COL3A1: variants seen among roughly 807,000 people sequenced by gnomAD.
The protein encoded by COL3A1 is collagen alpha-1(III) chain.
Under a neutral mutation model 200.9 loss-of-function variants are expected in COL3A1, and 46 were observed. The ratio of observed to expected loss-of-function variants is 0.23; its 90% confidence interval spans 0.18 to 0.29. The LOEUF (loss-of-function observed/expected upper bound fraction) is 0.29, where lower values mean the gene tolerates loss of function less well. Among genes scored for constraint, COL3A1 ranks in the 10% least tolerant of loss-of-function variants. COL3A1 has a pLI of 1.00. For missense variants in COL3A1, 1,367 were observed against 1,917.6 expected, an observed-to-expected ratio of 0.71 and a Z score of 5.36; for synonymous variants, 650 against 628.0, an observed-to-expected ratio of 1.03 and a Z score of -0.52.
chr2:188,994,832 G>A lies in COL3A1; in HGVS notation c.1455+1G>A. ...GCTTCCAGGAGCTGCAGGAGAAAGGGTACGTTTTCCATGGGGCATCTAAAA... is the reference window on the plus strand; with the variant it reads ...GCTTCCAGGAGCTGCAGGAGAAAGGATACGTTTTCCATGGGGCATCTAAAA... On this transcript the variant is annotated splice_donor_variant, in intron 20 of 50. Transcript: ENST00000304636. LOFTEE classifies it high-confidence loss of function. This position sits in a 1 kb window ranked among gnomAD's most constrained non-coding sequence, Gnocchi z 4.5. 1 of 1,613,108 alleles carries A rather than the reference G, an allele frequency of 6.2e-7. No individual in the cohort carries two copies. Among genetic ancestry groups the A allele is most frequent in the East Asian group, 2.2e-5 (1 of 44,856 alleles).
rs928894236 is a variant in COL3A1 at position 189,011,846 on chromosome 2, A to G, written c.*72A>G. The stretch of plus-strand genomic sequence containing the variant: ...GTGTTCCTCTTGTTCTAATCTTGTC[A>G]ACCAGTGCAAGTGACCGACAAAATT... On this transcript the variant is annotated 3_prime_UTR_variant, in exon 51 of 51. Transcript: ENST00000304636. The G allele has an allele frequency of 1.1e-4, 165 of 1,556,322 alleles. No homozygotes were observed. The highest frequency in any genetic ancestry group is 1.4e-4 in the Non-Finnish European group (153 of 1,129,158).
At chr2:188,986,001 T>C (rs1239070407) in intron 4 of COL3A1, among the ~76,000 whole-genome samples, 1 of 152,018 alleles carries the variant, frequency 6.6e-6, no homozygotes, top group Non-Finnish European at 1.5e-5. Flanking sequence ...TGCTACTATA[T>C]CCTTGGAAAA....
In COL3A1 at chr2:189,009,170, C is replaced by T; in HGVS notation, c.3772C>T (p.Pro1258Ser). Residue 1258 changes from proline (P) to serine (S), a missense_variant, in exon 48 of 51, where the codon CCC (proline) becomes TCC (serine). By Grantham distance (74) the Pro-to-Ser change is moderately conservative. This residue lies in a region of COL3A1 where 846 missense variants were observed against 1,147.9 expected (regional missense o/e 0.74). Transcript: ENST00000304636. The part of the protein sequence containing the change: ...LISPDGSRKN[P>S]ARNCRDLKFC... ...TAGTCCTGATGGTTCTCGTAAAAAC[C>T]CCGCTAGAAACTGCAGAGACCTGAA... The T allele has an allele frequency of 1.2e-6, 2 of 1,614,174 alleles. No individual in the cohort carries two copies. Among genetic ancestry groups the T allele is most frequent in the Non-Finnish European group, 1.7e-6 (2 of 1,180,026 alleles).
chr2:188,985,250 A>G lies in COL3A1; in HGVS notation c.333+3A>G, dbSNP rs569995447. ...CTCAAGGCCCCAAGGGAGATCCAGT[A>G]AGTAAACATTCTTCAGTAGAATAAA... On this transcript the variant is annotated splice_donor_region_variant and intron_variant, in intron 3 of 50. Coordinates refer to ENST00000304636, the MANE Select transcript of COL3A1 (RefSeq NM_000090.4). 1 of 1,606,784 alleles carries G rather than the reference A, an allele frequency of 6.2e-7. No individual in the cohort carries two copies. Among genetic ancestry groups the G allele is most frequent in the Non-Finnish European group, 8.5e-7 (1 of 1,173,636 alleles).
rs768697971 is a variant in COL3A1 at position 188,995,675 on chromosome 2, T to C, written c.1510-17T>C. 2.0e-5 allele frequency: 31 copies of C among 1,539,022 alleles called. No individual in the cohort carries two copies. Among genetic ancestry groups the C allele is most frequent in the Non-Finnish European group, 2.6e-5 (30 of 1,136,550 alleles). ...GAAGGCTATTTTAATTTTTTTAAAA[T>C]TTCTTTCACTACTTAGGGTCCTGCT... On this transcript the variant is annotated splice_polypyrimidine_tract_variant and intron_variant, in intron 21 of 50. Transcript: ENST00000304636.
Position 188,985,723 on chromosome 2 carries a change from C to A in COL3A1, c.392C>A (p.Ser131Tyr), listed in dbSNP as rs267599119. The A allele has an allele frequency of 6.2e-7, 1 of 1,611,574 alleles. No individual in the cohort carries two copies. The highest frequency in any genetic ancestry group is 2.2e-5 in the East Asian group (1 of 44,774). Residue 131 changes from serine (S) to tyrosine (Y), a missense_variant, in exon 4 of 51, where the codon TCC becomes TAC. Physicochemically the swap from Ser to Tyr is moderately radical, Grantham distance 144. This residue lies in a region of COL3A1 where 462 missense variants were observed against 681.4 expected (regional missense o/e 0.68). Coordinates refer to ENST00000304636, the MANE Select transcript of COL3A1 (RefSeq NM_000090.4). Reference sequence around the variant, plus strand: ...CCTGGTATTCCAGGACAACCAGGGTCCCCTGGTTCTCCTGGCCCCCCTGGA... The same window carrying A: ...CCTGGTATTCCAGGACAACCAGGGTACCCTGGTTCTCCTGGCCCCCCTGGA... Reference protein sequence around the residue: ...GDPGIPGQPGSPGSPGPPGIC... With the variant: ...GDPGIPGQPGYPGSPGPPGIC...
At chr2:189,000,019 C>T (rs905632852) in intron 32 of COL3A1, 124 bp downstream of exon 32, 19 of 928,454 alleles carry the variant, frequency 2.0e-5, no homozygotes, top group Non-Finnish European at 2.9e-5. Context: ...CACCTAAAGA[C>T]CCGAATGACT....
intron 8 of COL3A1, 81 bp downstream of exon 8, chr2:188,989,530 C>A: frequency 2.9e-6 from 3 of 1,028,048 alleles, no homozygotes; most frequent in Admixed American, 2.4e-5. Context: ...ATGTCAGAAT[C>A]CCAGAAGAAA....
At chr2:188,989,537 GAA>G in intron 8 of COL3A1, 88 bp downstream of exon 8, 1 of 945,914 alleles carries the variant, frequency 1.1e-6, no homozygotes, top group South Asian at 1.6e-5. Flanking sequence ...AATCCCAGAA[GAA>G]AAAAAAATGT....
intron 36 of COL3A1, 128 bp downstream of exon 36, chr2:189,003,190 T>G (rs1688508547): frequency 1.2e-6 from 1 of 851,856 alleles, no homozygotes; most frequent in Non-Finnish European, 1.9e-6. Flanking sequence ...TGGAAAAACA[T>G]GGAGGTTTAT....
chr2:189,007,944 T>C lies in COL3A1; in HGVS notation c.3417+6T>C, dbSNP rs1201578152. ...CAGGACCTGCAGGCCCCAGAGTAAG[T>C]AGCACAGAAAGATATTACAGGTCCA... On this transcript the variant is annotated splice_donor_region_variant and intron_variant, in intron 46 of 50. Coordinates refer to ENST00000304636, the MANE Select transcript of COL3A1 (RefSeq NM_000090.4). 3 of 1,614,092 alleles carry C rather than the reference T, an allele frequency of 1.9e-6. No homozygotes were observed. The highest frequency in any genetic ancestry group is 2.2e-5 in the South Asian group (2 of 91,062).
chr2:188,987,219 G>A, intron 5 of COL3A1, 80 bp downstream of exon 5: 7 of 1,177,548 alleles, frequency 5.9e-6, no homozygotes, highest in Admixed American at 1.8e-5. Flanking sequence ...GCTCTTCTAG[G>A]AATTCAGTAT....
intron 6 of COL3A1, among the ~76,000 whole-genome samples, 171 bp downstream of exon 6, chr2:188,988,305 TCCA>T (rs1688105696): frequency 6.6e-6 from 1 of 152,144 alleles, no homozygotes; most frequent in Admixed American, 6.6e-5. Context: ...TTAATTCCTT[TCCA>T]CCAACAGTTA....
Position 188,974,400 on chromosome 2 carries a change from T to C in COL3A1, c.-90T>C, listed in dbSNP as rs1377694937. On this transcript the variant is annotated 5_prime_UTR_variant, in exon 1 of 51. Transcript: ENST00000304636. The stretch of plus-strand genomic sequence containing the variant: ...CTGAGTTTTATGACGGGCCCGGTGC[T>C]GAAGGGCAGGGAACAACTTGATGGT... 1 of 958,634 alleles carries C rather than the reference T, an allele frequency of 1.0e-6. No homozygotes were observed. The highest frequency in any genetic ancestry group is 1.6e-6 in the Non-Finnish European group (1 of 606,398). The allele number at this position is 958,634 out of a possible 1,614,324, so 59.4% of individuals were successfully genotyped here.
intron 44 of COL3A1, 28 bp downstream of exon 44, chr2:189,007,018 T>G (rs376459023): frequency 1.2e-6 from 2 of 1,603,068 alleles, no homozygotes; most frequent in Non-Finnish European, 1.7e-6. Flanking sequence ...TTGGTTTTAT[T>G]TTGTTTTGTT....
Position 188,985,323 on chromosome 2 carries a change from G to A in COL3A1, c.333+76G>A. 3.3e-6 allele frequency: 4 copies of A among 1,205,652 alleles called. No individual in the cohort carries two copies. The South Asian group carries it at 4.9e-5, about 15-fold the overall frequency. The allele number at this position is 1,205,652 out of a possible 1,614,324, so 74.7% of individuals were successfully genotyped here. On this transcript the variant is annotated intron_variant, in intron 3 of 50. Transcript: ENST00000304636. ...GTAAGAGTTTGCTTTTTCTAGATTT[G>A]AGCTTTCATCATACATTCTCTTCAT...
intron 29 of COL3A1, 44 bp from the exon 30 acceptor site, chr2:188,999,241 G>C (rs1304230976): frequency 2.0e-6 from 3 of 1,525,072 alleles, no homozygotes; most frequent in African/African-American, 2.8e-5. Context: ...TTTGTTTTTA[G>C]CTTTGGGTTG....
chr2:189,009,276 T>C (rs895745845), intron 48 of COL3A1, 55 bp downstream of exon 48: 1 of 1,602,342 alleles, frequency 6.2e-7, no homozygotes, highest in African/African-American at 1.3e-5. Flanking sequence ...GAAAGCTGCT[T>C]AGATTAGAAT....
At position 189,011,705 on chromosome 2, in the gene COL3A1, T is replaced by A. The variant is rs1285255181; in HGVS notation, c.4332T>A (p.Ile1444=). Residue 1444 remains isoleucine, a synonymous_variant, in exon 51 of 51, where the codon ATT becomes ATA. Coordinates refer to ENST00000304636, the MANE Select transcript of COL3A1 (RefSeq NM_000090.4). The part of the protein sequence containing the change: ...RKAVRLPIVD[I]APYDIGGPDQ... ...CTGTGAGACTACCTATTGTAGATATTGCACCCTATGACATTGGTGGTCCTG... is the reference window on the plus strand; with the variant it reads ...CTGTGAGACTACCTATTGTAGATATAGCACCCTATGACATTGGTGGTCCTG... The A allele has an allele frequency of 6.2e-7, 1 of 1,614,076 alleles. No individual in the cohort carries two copies. The highest frequency in any genetic ancestry group is 1.1e-5 in the South Asian group (1 of 91,086).
Sources: allele counts gnomAD v4.1 joint callset (sites outside exome capture counted in the v4.1 genomes callset), GRCh38; gene constraint gnomAD v4.1.1; regional missense constraint gnomAD v4.1.1; non-coding constraint Gnocchi (gnomAD v3.1); transcripts MANE v1.5; gene names NCBI Gene and HGNC (gene_info 2026-07-23, HGNC 2026-07-21).